Variants in PLPPR1 observed in about 807,000 individuals in gnomAD.
PLPPR1 encodes the protein phospholipid phosphatase-related protein type 1.
A neutral mutation model predicts 33.1 loss-of-function variants in PLPPR1; 10 were observed. The observed-to-expected ratio is 0.30, with a 90% CI of 0.19 to 0.51. The LOEUF (loss-of-function observed/expected upper bound fraction) is 0.51. PLPPR1 is among the 20% of genes least tolerant of loss of function. PLPPR1 has a pLI of 0.97. For missense variants in PLPPR1, 304 were observed against 408.1 expected (o/e 0.74, Z 2.20); for synonymous variants, 151 against 151.0 (o/e 1.00, Z 0.00).
At chr9:101,075,434 G>A (rs1448682857) in intron 1 of PLPPR1, among the ~76,000 whole-genome samples, 3 of 152,096 alleles carry the variant, frequency 2.0e-5, no homozygotes, top group African/African-American at 7.2e-5. Context: ...TAAATTATAA[G>A]CCCTGGTCTA....
intron 1 of PLPPR1, among the ~76,000 whole-genome samples, chr9:101,084,028 A>C (rs1830650158): frequency 6.6e-6 from 1 of 152,164 alleles, no homozygotes; most frequent in South Asian, 2.1e-4. Context: ...GGTTTAGAGG[A>C]GTTCTCTACA....
rs139955123 is a variant in PLPPR1 at position 101,070,657 on chromosome 9, C to T, written c.-46+41555C>T. Among the ~76,000 whole-genome samples, 60 of 152,200 alleles carry T rather than the reference C, an allele frequency of 3.9e-4. 1 individual carries two copies. The highest frequency in any genetic ancestry group is 1.3e-3 in the African/African-American group (55 of 41,570). On this transcript the variant is annotated intron_variant, in intron 1 of 7. Coordinates refer to ENST00000374874, the MANE Select transcript of PLPPR1 (RefSeq NM_207299.2). ...CAATAACGGCCTACCCTGGTTTCCT[C>T]GTTTAAATCATGATCTTTCCTCTAA...
At chr9:101,101,448 G>T (rs1426634376) in intron 1 of PLPPR1, among the ~76,000 whole-genome samples, 3 of 151,478 alleles carry the variant, frequency 2.0e-5, no homozygotes, top group Non-Finnish European at 4.4e-5. Flanking sequence ...TCCAGCTGCA[G>T]CTCCAGAACC....
At chr9:101,098,543 A>T (rs1469521824) in intron 1 of PLPPR1, among the ~76,000 whole-genome samples, 4 of 152,092 alleles carry the variant, frequency 2.6e-5, no homozygotes, top group Non-Finnish European at 4.4e-5. Context: ...TGAGTGGGGA[A>T]CAAAGAGGCT....
At chr9:101,057,718 A>G (rs1830294671) in intron 1 of PLPPR1, among the ~76,000 whole-genome samples, 1 of 152,298 alleles carries the variant, frequency 6.6e-6, no homozygotes, top group South Asian at 2.1e-4. Flanking sequence ...ATATTATCTT[A>G]GTAAATAAGA....
intron 4 of PLPPR1, among the ~76,000 whole-genome samples, chr9:101,297,844 T>G (rs1828677694): frequency 6.6e-6 from 1 of 152,170 alleles, no homozygotes; most frequent in Non-Finnish European, 1.5e-5. Context: ...TTACATTGTG[T>G]AGTAACAGCA....
intron 1 of PLPPR1, among the ~76,000 whole-genome samples, chr9:101,030,374 C>T (rs1829930348): frequency 6.7e-6 from 1 of 150,356 alleles, no homozygotes; most frequent in African/African-American, 2.5e-5. Flanking sequence ...ATTTCTATGC[C>T]CCTTCTGCTT....
At chr9:101,153,274 C>A (rs1207189778) in intron 1 of PLPPR1, among the ~76,000 whole-genome samples, 1 of 152,190 alleles carries the variant, frequency 6.6e-6, no homozygotes. Context: ...AGTTGCTTAT[C>A]AGCTTAAGGA....
intron 7 of PLPPR1, among the ~76,000 whole-genome samples, chr9:101,318,852 A>G (rs796855891): frequency 3.3e-4 from 50 of 152,306 alleles, no homozygotes; most frequent in African/African-American, 1.2e-3. Flanking sequence ...TTGTATAGGT[A>G]GCAAGTAGGA....
At chr9:101,075,094 A>C (rs76478244) in intron 1 of PLPPR1, among the ~76,000 whole-genome samples, 5,941 of 152,276 alleles carry the variant, frequency 0.039, 178 homozygotes, top group East Asian at 0.082. Context: ...GAGAACAGAT[A>C]AAATTCTTAA....
intron 1 of PLPPR1, among the ~76,000 whole-genome samples, chr9:101,150,676 G>T (rs1439586096): frequency 6.6e-6 from 1 of 152,134 alleles, no homozygotes; most frequent in African/African-American, 2.4e-5. Context: ...GCTGCCTCTT[G>T]TCTCTCTGTC....
chr9:101,268,511 A>G (rs2033394), intron 2 of PLPPR1, among the ~76,000 whole-genome samples: 68,312 of 151,858 alleles, frequency 0.45, 15,839 homozygotes, highest in African/African-American at 0.58. Context: ...CTCCCCCATC[A>G]CTCTCTACCT....
At chr9:101,308,532 T>C (rs1156557889) in intron 4 of PLPPR1, among the ~76,000 whole-genome samples, 1 of 152,250 alleles carries the variant, frequency 6.6e-6, no homozygotes, top group African/African-American at 2.4e-5. Context: ...TAATTTGTTA[T>C]AGCAGCAATA....
chr9:101,313,400 T>C (rs2118960729), intron 6 of PLPPR1, among the ~76,000 whole-genome samples: 1 of 152,284 alleles, frequency 6.6e-6, no homozygotes, highest in South Asian at 2.1e-4. Context: ...CAGCCTCTTC[T>C]CCAGCATCCC....
At chr9:101,071,471 A>T (rs1297689287) in intron 1 of PLPPR1, among the ~76,000 whole-genome samples, 1 of 152,158 alleles carries the variant, frequency 6.6e-6, no homozygotes, top group Non-Finnish European at 1.5e-5. Context: ...TAGTCATTCA[A>T]TGAAGTACCC....
chr9:101,043,410 T>A (rs1037888223), intron 1 of PLPPR1, among the ~76,000 whole-genome samples: 5 of 151,578 alleles, frequency 3.3e-5, no homozygotes, highest in Non-Finnish European at 7.4e-5. Context: ...TACATATGTA[T>A]GTGTGTATAT....
chr9:101,189,522 T>A (rs1826259331), intron 2 of PLPPR1, among the ~76,000 whole-genome samples: 1 of 152,140 alleles, frequency 6.6e-6, no homozygotes, highest in Non-Finnish European at 1.5e-5. Context: ...AACTTTGTCA[T>A]GAGTTGGGGG....
intron 3 of PLPPR1, among the ~76,000 whole-genome samples, chr9:101,270,624 C>T (rs1235783742): frequency 6.6e-6 from 1 of 152,046 alleles, no homozygotes; most frequent in Non-Finnish European, 1.5e-5. Flanking sequence ...GCAACTTTAC[C>T]TTCATATATT....
rs188214348 is a variant in PLPPR1 at position 101,236,222 on chromosome 9, T to A, written c.64-33658T>A. Among the ~76,000 whole-genome samples the A allele has an allele frequency of 9.3e-4, 142 of 151,894 alleles. 1 individual carries two copies. The highest frequency in any genetic ancestry group is 9.2e-3 in the Admixed American group (140 of 15,198). On this transcript the variant is annotated intron_variant, in intron 2 of 7. Coordinates refer to ENST00000374874, the MANE Select transcript of PLPPR1 (RefSeq NM_207299.2). ...CTATCAAAGCAAACTATAGCATCTA[T>A]CTTTAAACAATTCCAAAAAAAGTCA...
Sources: gnomAD v4.1 joint callset for allele counts (sites outside exome capture counted in the v4.1 genomes callset) on GRCh38, gnomAD v4.1.1 for gene constraint, MANE v1.5 for transcripts, NCBI Gene and HGNC (gene_info 2026-07-23, HGNC 2026-07-21) for gene names.